The following MMD2 variants were observed in gnomAD, a reference collection of about 807,000 sequenced individuals.
The protein encoded by MMD2 is monocyte to macrophage differentiation factor 2.
In MMD2, 30 loss-of-function variants were observed where a neutral mutation model predicts 33.5. The ratio of observed to expected loss-of-function variants is 0.90; its 90% CI spans 0.67 to 1.22. The LOEUF is 1.22. Ranked by LOEUF, MMD2 falls within the 50% of genes most tolerant of loss-of-function variation. The pLI is 0.00. For missense variants in MMD2, 364 were observed against 325.4 expected, an observed-to-expected ratio of 1.12 and a Z score of -0.91; for synonymous variants, 129 against 123.0, an observed-to-expected ratio of 1.05 and a Z score of -0.32.
intron 6 of MMD2, 50 bp from the exon 7 acceptor site, chr7:4,907,649 G>A (rs778729689): frequency 1.3e-6 from 2 of 1,589,804 alleles, no homozygotes; most frequent in South Asian, 1.1e-5. Context: ...CAGTCAGTGT[G>A]GCTGAAAGCA....
chr7:4,957,789 A>G (rs1186060882), intron 1 of MMD2, among the ~76,000 whole-genome samples: 2 of 152,180 alleles, frequency 1.3e-5, no homozygotes, highest in African/African-American at 4.8e-5. Context: ...TAGACTCATC[A>G]TGTCCCCCAG....
intron 1 of MMD2, among the ~76,000 whole-genome samples, chr7:4,933,489 C>T (rs533039436): frequency 6.6e-6 from 1 of 152,214 alleles, no homozygotes; most frequent in South Asian, 2.1e-4. Context: ...TCCTGCATCC[C>T]CTTTGCCATC....
chr7:4,917,566 C>A (rs1206544834), intron 3 of MMD2, among the ~76,000 whole-genome samples: 2 of 151,916 alleles, frequency 1.3e-5, no homozygotes, highest in Non-Finnish European at 2.9e-5. Context: ...GTGGTGGGCA[C>A]CTGCAGTCCC....
At chr7:4,933,940 C>CG (rs755170728) in intron 1 of MMD2, among the ~76,000 whole-genome samples, 1 of 119,054 alleles carries the variant, frequency 8.4e-6, no homozygotes, top group Non-Finnish European at 1.7e-5. Flanking sequence ...GCCACAATGC[C>CG]TTTTTTTTTT....
intron 1 of MMD2, among the ~76,000 whole-genome samples, chr7:4,958,149 C>T (rs999592026): frequency 4.6e-5 from 7 of 152,184 alleles, no homozygotes; most frequent in Non-Finnish European, 4.4e-5. Context: ...AAGAGGCCCC[C>T]GCGGGCTGCT....
chr7:4,902,154 G>A (rs1784803396), downstream of MMD2, among the ~76,000 whole-genome samples: 1 of 152,152 alleles, frequency 6.6e-6, no homozygotes, highest in Non-Finnish European at 1.5e-5. Flanking sequence ...ATTTCACCAT[G>A]TTGGTCAGGC....
chr7:4,926,214 C>T (rs1026568394), intron 1 of MMD2, among the ~76,000 whole-genome samples: 8 of 152,150 alleles, frequency 5.3e-5, no homozygotes, highest in African/African-American at 1.9e-4. Flanking sequence ...CCTCCCGCCT[C>T]AGCCTCCTGA....
intron 1 of MMD2, among the ~76,000 whole-genome samples, chr7:4,933,018 T>C (rs1342853373): frequency 1.3e-5 from 2 of 151,732 alleles, no homozygotes; most frequent in Non-Finnish European, 2.9e-5. Flanking sequence ...ATCTGTTGTA[T>C]AAAGTTGAAA....
At chr7:4,895,742 G>A in the MMD2 span, among the ~76,000 whole-genome samples, 2 of 151,874 alleles carry the variant, frequency 1.3e-5, no homozygotes, top group African/African-American at 4.8e-5. Context: ...CATCATGTTG[G>A]TCAGGTTGGT....
chr7:4,909,793 G>C, intron 6 of MMD2, 88 bp downstream of exon 6: 1 of 1,526,172 alleles, frequency 6.6e-7, no homozygotes, highest in Non-Finnish European at 8.9e-7. Flanking sequence ...CAAAGGAGAG[G>C]GTTTGTGACA....
the MMD2 span, among the ~76,000 whole-genome samples, chr7:4,892,828 GCCTCAGCCT>G: frequency 6.6e-6 from 1 of 151,448 alleles, no homozygotes; most frequent in Non-Finnish European, 1.5e-5. Context: ...CGATTCTTCT[GCCTCAGCCT>G]CCTGAGTAGC....
In MMD2 at chr7:4,959,108, A is replaced by G. The variant is rs1786471272; in HGVS notation, c.-91T>C. On this transcript the variant is annotated 5_prime_UTR_variant, in exon 1 of 7. Transcript: ENST00000401401. ...CGCGGCGGCGGCAGCAGCAGGTTGGAGGGCGCGCGGCGGGGGCCAAGGGGA... is the reference window on the plus strand; with the variant it reads ...CGCGGCGGCGGCAGCAGCAGGTTGGGGGGCGCGCGGCGGGGGCCAAGGGGA... The G allele has an allele frequency of 2.8e-6, 3 of 1,082,166 alleles. No individual in the cohort carries two copies. The highest frequency in any genetic ancestry group is 1.7e-5 in the African/African-American group (1 of 58,974). 67.0% of individuals were successfully genotyped at this position (1,082,166 alleles called of 1,614,324 possible).
intron 1 of MMD2, among the ~76,000 whole-genome samples, chr7:4,952,775 T>G (rs1436898889): frequency 1.4e-5 from 2 of 147,236 alleles, no homozygotes; most frequent in Non-Finnish European, 3.0e-5. Flanking sequence ...CACCGCAGCC[T>G]CCGCCTCCTG....
At position 4,911,198 on chromosome 7, in the gene MMD2, C is replaced by T. The variant is rs771563680; in HGVS notation, c.414G>A (p.Leu138=). 2.5e-6 allele frequency: 4 copies of T among 1,602,444 alleles called. No homozygotes were observed. In the African/African-American group the frequency reaches 4.0e-5, roughly 16 times the overall value. Residue 138 remains leucine, a synonymous_variant, in exon 5 of 7, where the codon CTG becomes CTA. Coordinates refer to ENST00000401401, the MANE Select transcript of MMD2 (RefSeq NM_198403.4). ...LGPWASHMRW[L]VWIMASVGTI... is the part of the protein sequence containing the mutation. ...TGCCCACGGAAGCCATAATCCAGAC[C>T]AGCCAGCGCATGTGGGAGGCCCAGG...
At chr7:4,895,652 T>TCAGC in the MMD2 span, among the ~76,000 whole-genome samples, 3 of 152,144 alleles carry the variant, frequency 2.0e-5, no homozygotes, top group Non-Finnish European at 4.4e-5. Context: ...TTCTCCTGAC[T>TCAGC]CAGCCTCCGG....
intron 1 of MMD2, among the ~76,000 whole-genome samples, chr7:4,926,671 C>T (rs1785436164): frequency 2.6e-5 from 4 of 152,144 alleles, no homozygotes; most frequent in Admixed American, 2.0e-4. Flanking sequence ...TTCTGTCTGG[C>T]TTCTTTTGCT....
At chr7:4,923,595 G>A (rs1399735473) in intron 2 of MMD2, among the ~76,000 whole-genome samples, 1 of 140,118 alleles carries the variant, frequency 7.1e-6, no homozygotes, top group Middle Eastern at 3.3e-3. Context: ...TTCAAAGGCA[G>A]GTCTTCTCTT....
At chr7:4,903,938 C>T (rs1475328612), downstream of MMD2, among the ~76,000 whole-genome samples, 2 of 152,066 alleles carry the variant, frequency 1.3e-5, no homozygotes, top group Non-Finnish European at 2.9e-5. Flanking sequence ...GCCCTCCCCA[C>T]CCTTTTTTTT....
At position 4,937,821 on chromosome 7, in the gene MMD2, A is replaced by AT. The variant is rs1175805408; in HGVS notation, c.48-12290dup. 4.0e-5 allele frequency among the ~76,000 whole-genome samples: 6 copies of AT among 150,732 alleles called. No homozygotes were observed. The Admixed American group carries it at 4.0e-4, about 10-fold the overall frequency. ...CACTACATCCAGCTAATTTTTAAAC[A>AT]TTTTTTTGTAGAGATGGGGTCTCAC... On this transcript the variant is annotated intron_variant, in intron 1 of 6. Coordinates refer to ENST00000401401, the MANE Select transcript of MMD2 (RefSeq NM_198403.4).
Sources: gnomAD v4.1 joint callset for allele counts (sites outside exome capture counted in the v4.1 genomes callset) on GRCh38, gnomAD v4.1.1 for gene constraint, MANE v1.5 for transcripts, NCBI Gene and HGNC (gene_info 2026-07-23, HGNC 2026-07-21) for gene names.